The following ARMC2 variants were observed in gnomAD, a reference collection of about 807,000 sequenced individuals.
ARMC2 encodes the protein armadillo repeat containing 2.
In ARMC2, 67 loss-of-function variants were observed where a neutral mutation model predicts 90.3. That is an observed-to-expected ratio of 0.74 (90% CI 0.61 to 0.91). The LOEUF (loss-of-function observed/expected upper bound fraction) is 0.91. ARMC2 is among the 40% of genes least tolerant of loss of function. The pLI is 0.00. For missense variants in ARMC2, 920 were observed against 1,030.9 expected, an observed-to-expected ratio of 0.89 and a Z score of 1.47; for synonymous variants, 393 against 393.0, an observed-to-expected ratio of 1.00 and a Z score of 0.00.
intron 10 of ARMC2, among the ~76,000 whole-genome samples, chr6:108,922,038 G>T (rs1224865018): frequency 3.3e-5 from 5 of 152,214 alleles, no homozygotes; most frequent in African/African-American, 7.2e-5. Flanking sequence ...CTGATGGCAG[G>T]TTGCCTTCTA....
chr6:109,034,432 A>C, the ARMC2 span, among the ~76,000 whole-genome samples: 1 of 152,202 alleles, frequency 6.6e-6, no homozygotes, highest in Non-Finnish European at 1.5e-5. Context: ...ATTGAATATT[A>C]TCTCTTATTT....
Position 108,858,251 on chromosome 6 carries a change from C to T in ARMC2, c.271C>T (p.Arg91Cys), listed in dbSNP as rs771178912. The T allele has an allele frequency of 1.9e-5, 30 of 1,609,268 alleles. No individual in the cohort carries two copies. The highest frequency in any genetic ancestry group is 3.3e-5 in the South Asian group (3 of 90,678). ...TGATTCCAGGCCTATCTCTGGCACA[C>T]GTCTTAGTCCACTAGAGCTGGTGAG... ...SSDSRPISGT[R>C]LSPLELKPKV... Residue 91 changes from arginine (R) to cysteine (C), a missense_variant, in exon 3 of 18, where the codon CGT (arginine) becomes TGT (cysteine). Physicochemically the swap from Arg to Cys is radical, Grantham distance 180. Coordinates refer to ENST00000392644, the MANE Select transcript of ARMC2 (RefSeq NM_032131.6).
At chr6:108,992,099 GCTTA>G in the ARMC2 span, among the ~76,000 whole-genome samples, 3 of 151,586 alleles carry the variant, frequency 2.0e-5, no homozygotes, top group African/African-American at 4.8e-5. Context: ...TTGCCCCTTA[GCTTA>G]TTTATTATTT....
intron 1 of ARMC2, chr6:108,848,952 A>G (rs1773723767): frequency 1.3e-5 from 2 of 152,216 alleles, no homozygotes; most frequent in Admixed American, 1.3e-4. Context: ...TCTTTTATTT[A>G]TGTACTGTCG....
At chr6:108,981,689 C>T in the ARMC2 span, among the ~76,000 whole-genome samples, 1 of 150,552 alleles carries the variant, frequency 6.6e-6, no homozygotes, top group Non-Finnish European at 1.5e-5. Context: ...GAGACAGAGT[C>T]TTAGAACAGT....
intron 15 of ARMC2, among the ~76,000 whole-genome samples, chr6:108,963,313 G>A (rs759885676): frequency 9.9e-5 from 15 of 152,176 alleles, no homozygotes; most frequent in African/African-American, 2.9e-4. Flanking sequence ...CTCCATGTTC[G>A]TAATGGAAAA....
the ARMC2 span, among the ~76,000 whole-genome samples, chr6:109,023,171 C>T: frequency 6.6e-6 from 1 of 152,206 alleles, no homozygotes; most frequent in South Asian, 2.1e-4. Flanking sequence ...AATTACTGCC[C>T]TCCTCATACA....
the ARMC2 span, chr6:108,987,245 C>G: frequency 3.8e-6 from 1 of 264,444 alleles, no homozygotes; most frequent in African/African-American, 2.2e-5. Context: ...ATAAAAGCAA[C>G]AGGATTTGGA....
intron 13 of ARMC2, among the ~76,000 whole-genome samples, chr6:108,957,963 G>T (rs1777714570): frequency 6.6e-6 from 1 of 152,168 alleles, no homozygotes; most frequent in Non-Finnish European, 1.5e-5. Flanking sequence ...GAGTAGGATA[G>T]TAGGGGTCAA....
chr6:108,969,800 G>C (rs1199310022), intron 17 of ARMC2, among the ~76,000 whole-genome samples: 1 of 152,154 alleles, frequency 6.6e-6, no homozygotes, highest in Non-Finnish European at 1.5e-5. Context: ...CCAGCACTTT[G>C]GGAGGACGAG....
chr6:108,991,377 G>A, the ARMC2 span, among the ~76,000 whole-genome samples: 86 of 152,262 alleles, frequency 5.6e-4, 1 homozygote, highest in South Asian at 6.4e-3. Flanking sequence ...TGAGTAACTG[G>A]AACTATAGGC....
At chr6:108,947,456 C>T (rs1296945960) in intron 12 of ARMC2, among the ~76,000 whole-genome samples, 2 of 152,150 alleles carry the variant, frequency 1.3e-5, no homozygotes, top group Admixed American at 6.5e-5. Flanking sequence ...TGGCTTTAGG[C>T]CAATGTCTCT....
intron 7 of ARMC2, among the ~76,000 whole-genome samples, chr6:108,903,490 G>A (rs1772364009): frequency 6.6e-6 from 1 of 152,096 alleles, no homozygotes; most frequent in African/African-American, 2.4e-5. Context: ...TAGGTAATGA[G>A]CATTGTTCTC....
At chr6:109,001,297 A>C in the ARMC2 span, 2 of 1,613,416 alleles carry the variant, frequency 1.2e-6, no homozygotes, top group East Asian at 4.5e-5. Flanking sequence ...CCATTATTCC[A>C]ATGTAGTGAC....
chr6:109,040,934 G>A, the ARMC2 span, among the ~76,000 whole-genome samples: 1 of 151,912 alleles, frequency 6.6e-6, no homozygotes, highest in African/African-American at 2.4e-5. Flanking sequence ...TTACAGGCGT[G>A]AGCCACCGCA....
intron 5 of ARMC2, among the ~76,000 whole-genome samples, chr6:108,879,069 C>A (rs1777217185): frequency 1.3e-5 from 2 of 151,872 alleles, no homozygotes; most frequent in Admixed American, 1.3e-4. Flanking sequence ...ATCCACCCAC[C>A]CATCCGTCTA....
the ARMC2 span, among the ~76,000 whole-genome samples, chr6:109,024,605 A>G: frequency 2.6e-5 from 4 of 152,260 alleles, no homozygotes; most frequent in Non-Finnish European, 5.9e-5. Flanking sequence ...TGAAAATATC[A>G]TAAGTAAAAA....
At chr6:108,849,495 A>T (rs895953001) in intron 1 of ARMC2, among the ~76,000 whole-genome samples, 8 of 152,226 alleles carry the variant, frequency 5.3e-5, no homozygotes, top group African/African-American at 1.9e-4. Context: ...AAACCTGTAC[A>T]TTGTGCACAT....
At chr6:109,009,227 G>A in the ARMC2 span, 2 of 908,306 alleles carry the variant, frequency 2.2e-6, no homozygotes, top group Non-Finnish European at 1.5e-6. Flanking sequence ...GCCCTATCTG[G>A]GGAGCGTTTT....
Sources: gnomAD v4.1 joint callset for allele counts (sites outside exome capture counted in the v4.1 genomes callset) on GRCh38, gnomAD v4.1.1 for gene constraint, MANE v1.5 for transcripts, NCBI Gene and HGNC (gene_info 2026-07-23, HGNC 2026-07-21) for gene names.